Variants in PAX2 observed in about 807,000 individuals in gnomAD.
The protein encoded by PAX2 is paired box 2.
In PAX2, 9 loss-of-function variants were observed where a neutral mutation model predicts 41.7. The ratio of observed to expected loss-of-function variants is 0.22; its 90% CI spans 0.13 to 0.38. The LOEUF is 0.38. Among genes scored for constraint, PAX2 ranks in the 10% least tolerant of loss-of-function variants. The pLI is 1.00. For synonymous variants in PAX2, 221 were observed against 212.7 expected (o/e 1.04, Z -0.34); for missense variants, 418 against 531.6 (o/e 0.79, Z 2.10).
intron 3 of PAX2, among the ~76,000 whole-genome samples, chr10:100,754,475 T>C (rs1845560223): frequency 6.6e-6 from 1 of 152,178 alleles, no homozygotes; most frequent in African/African-American, 2.4e-5. Flanking sequence ...TCTCCCACTA[T>C]CCACACTCTC....
chr10:100,742,712 C>T (rs1271891317), upstream of PAX2, among the ~76,000 whole-genome samples: 1 of 152,004 alleles, frequency 6.6e-6, no homozygotes, highest in East Asian at 1.9e-4. Flanking sequence ...TTGAAAACAC[C>T]AGAGAGAAAA....
chr10:100,773,190 CGTT>C (rs983858224), intron 3 of PAX2, among the ~76,000 whole-genome samples: 10 of 152,150 alleles, frequency 6.6e-5, no homozygotes, highest in African/African-American at 1.4e-4. Context: ...GTGCAAAATG[CGTT>C]GTTGTAAGGA....
intron 5 of PAX2, among the ~76,000 whole-genome samples, chr10:100,793,167 C>A (rs1332903571): frequency 2.0e-5 from 3 of 152,216 alleles, no homozygotes; most frequent in Admixed American, 6.5e-5. Flanking sequence ...AGGGCCCCAC[C>A]CGCTCCCTGA....
intron 1 of PAX2, among the ~76,000 whole-genome samples, chr10:100,739,698 C>G (rs1020934597): frequency 4.1e-4 from 62 of 152,244 alleles, no homozygotes; most frequent in Non-Finnish European, 8.2e-4. Context: ...GTCGCCTGCC[C>G]CCACCCTCCG....
Position 100,824,524 on chromosome 10 carries a change from C to T in PAX2, c.920-124C>T. The T allele has an allele frequency of 2.6e-6, 2 of 779,210 alleles. No individual in the cohort carries two copies. The highest frequency in any genetic ancestry group is 4.6e-6 in the Non-Finnish European group (2 of 431,790). The allele number at this position is 779,210 out of a possible 1,614,324, so 48.3% of individuals were successfully genotyped here. ...ATTCAGGTGCACAGTGGCACACATA[C>T]CCCTGCACGTCTGCACAGAGCTCTT... On this transcript the variant is annotated intron_variant, in intron 7 of 9. Coordinates refer to ENST00000355243, the MANE Select transcript of PAX2 (RefSeq NM_000278.5). This position sits in a 1 kb window ranked among gnomAD's most constrained non-coding sequence, Gnocchi z 6.6.
Position 100,749,754 on chromosome 10 carries a change from G to C in PAX2, c.52G>C (p.Gly18Arg). Reference sequence around the variant, plus strand: ...TTCTTGTCTCTCCCCAGCAGGGCACGGGGGTGTGAACCAGCTCGGGGGGGT... The same window carrying C: ...TTCTTGTCTCTCCCCAGCAGGGCACCGGGGTGTGAACCAGCTCGGGGGGGT... ...DPFSAMHPGH[G>R]GVNQLGGVFV... Residue 18 changes from glycine to arginine, a missense_variant, in exon 2 of 10, where the codon GGG (glycine) becomes CGG (arginine). Coordinates refer to ENST00000355243, the MANE Select transcript of PAX2 (RefSeq NM_000278.5). The C allele has an allele frequency of 6.2e-7, 1 of 1,610,562 alleles. No homozygotes were observed. The highest frequency in any genetic ancestry group is 8.5e-7 in the Non-Finnish European group (1 of 1,177,854).
chr10:100,749,212 G>T lies in PAX2; in HGVS notation c.44-534G>T, dbSNP rs190707435. 1.1e-3 allele frequency: 1,068 copies of T among 989,538 alleles called. 10 individuals are homozygous for T. The African/African-American group carries it at 0.017, about 16-fold the overall frequency. The allele number at this position is 989,538 out of a possible 1,614,324, so 61.3% of individuals were successfully genotyped here. On this transcript the variant is annotated intron_variant, in intron 1 of 9. Transcript: ENST00000355243. ...AAAGAAGAGGCAGAGAGCAAAGGGG[G>T]GTGTGTGTGTCAGGCACTTATCCCC... is the stretch of plus-strand genomic sequence containing the variant.
At chr10:100,736,976 G>T (rs551231217) in intron 1 of PAX2, among the ~76,000 whole-genome samples, 1 of 152,164 alleles carries the variant, frequency 6.6e-6, no homozygotes, top group Admixed American at 6.5e-5. Context: ...CAGACCTAAC[G>T]TCTGGGACTT....
At position 100,791,521 on chromosome 10, in the gene PAX2, C is replaced by T. The variant is rs1231421337; in HGVS notation, c.616+10156C>T. Among the ~76,000 whole-genome samples the T allele has an allele frequency of 1.3e-5, 2 of 152,180 alleles. No homozygotes were observed. The highest frequency in any genetic ancestry group is 4.8e-5 in the African/African-American group (2 of 41,442). Reference sequence around the variant, plus strand: ...GTAAATGCAGTTTATGAAGTTTATGCTTTCCTCCTAGGGAGAGCTGGATTC... The same window carrying T: ...GTAAATGCAGTTTATGAAGTTTATGTTTTCCTCCTAGGGAGAGCTGGATTC... On this transcript the variant is annotated intron_variant, in intron 5 of 9. Coordinates refer to ENST00000355243, the MANE Select transcript of PAX2 (RefSeq NM_000278.5). The surrounding 1 kb of genome is among the most constrained non-coding windows in gnomAD (Gnocchi z 4.5).
intron 5 of PAX2, among the ~76,000 whole-genome samples, chr10:100,798,505 G>A (rs1237717259): frequency 6.6e-6 from 1 of 151,990 alleles, no homozygotes; most frequent in Non-Finnish European, 1.5e-5. Context: ...AGGCAATGGG[G>A]CATATCATCC....
chr10:100,825,048 C>T (rs1233726347), intron 8 of PAX2: 14 of 1,298,038 alleles, frequency 1.1e-5, no homozygotes, highest in East Asian at 2.3e-5. Context: ...CACTCAGCCT[C>T]AGCTCCACCC....
intron 6 of PAX2, among the ~76,000 whole-genome samples, chr10:100,807,524 C>G (rs2133952516): frequency 6.6e-6 from 1 of 152,254 alleles, no homozygotes; most frequent in East Asian, 1.9e-4. Context: ...GTACTGTGCT[C>G]ACACACCACC....
exon 1 of PAX2, chr10:100,735,611 G>A (rs1025723509): frequency 4.2e-6 from 4 of 941,212 alleles, no homozygotes; most frequent in Non-Finnish European, 5.2e-6. Flanking sequence ...CAGATCTCCG[G>A]GCGGCGGCGG....
At chr10:100,771,150 T>C (rs566174078) in intron 3 of PAX2, among the ~76,000 whole-genome samples, 1 of 152,326 alleles carries the variant, frequency 6.6e-6, no homozygotes, top group Admixed American at 6.5e-5. Context: ...GACTTTCATT[T>C]CTTGGAGCTC....
intron 1 of PAX2, among the ~76,000 whole-genome samples, chr10:100,739,112 G>T (rs2133810754): frequency 6.6e-6 from 1 of 151,536 alleles, no homozygotes; most frequent in Middle Eastern, 3.4e-3. Flanking sequence ...GCCCCAAGAC[G>T]GCGGGCCAGG....
intron 3 of PAX2, among the ~76,000 whole-genome samples, chr10:100,759,983 G>A (rs1187594380): frequency 6.6e-6 from 1 of 152,150 alleles, no homozygotes; most frequent in African/African-American, 2.4e-5. Context: ...GCAGGACATG[G>A]AGGCGGTCAG....
chr10:100,739,359 C>T (rs925682513), intron 1 of PAX2, among the ~76,000 whole-genome samples: 1 of 152,270 alleles, frequency 6.6e-6, no homozygotes, highest in Admixed American at 6.5e-5. Context: ...GCGGGTCCCC[C>T]TGCCTTACCA....
At chr10:100,779,426 C>A in intron 3 of PAX2, 72 bp from the exon 4 acceptor site, 2 of 1,295,088 alleles carry the variant, frequency 1.5e-6, no homozygotes, top group African/African-American at 1.5e-5. Context: ...AGCCCCTTTG[C>A]AGGGCTGGGC....
At chr10:100,747,620 G>A (rs1845242333) in intron 1 of PAX2, 22 of 985,120 alleles carry the variant, frequency 2.2e-5, no homozygotes, top group Non-Finnish European at 2.7e-5. Flanking sequence ...AGCCGAGGAG[G>A]GAGAGCTGTG....
Sources: gnomAD v4.1 joint callset for allele counts (sites outside exome capture counted in the v4.1 genomes callset) on GRCh38, gnomAD v4.1.1 for gene constraint, Gnocchi (gnomAD v3.1) non-coding constraint, MANE v1.5 for transcripts, NCBI Gene and HGNC (gene_info 2026-07-23, HGNC 2026-07-21) for gene names.